The following ZNF536 variants were observed in gnomAD, a reference collection of about 807,000 sequenced individuals.
ZNF536 encodes the protein zinc finger protein 536.
A neutral mutation model predicts 84.5 loss-of-function variants in ZNF536; 13 were observed. The ratio of observed to expected loss-of-function variants is 0.15; its 90% CI spans 0.10 to 0.24. The LOEUF (loss-of-function observed/expected upper bound fraction) is 0.24. Ranked by LOEUF, ZNF536 falls within the 10% of genes least tolerant of loss-of-function variation. The pLI is 1.00. For missense variants in ZNF536, 1,536 were observed against 1,747.5 expected (o/e 0.88, Z 2.16); for synonymous variants, 811 against 742.5 (o/e 1.09, Z -1.50).
intron 2 of ZNF536, among the ~76,000 whole-genome samples, chr19:30,488,492 A>G (rs1378362692): frequency 1.3e-5 from 2 of 151,992 alleles, no homozygotes; most frequent in African/African-American, 4.8e-5. Context: ...GATTTCTTTC[A>G]TCTCACAAGG....
At chr19:30,680,792 G>A in intron 1 of ZNF536, among the ~76,000 whole-genome samples, 1 of 152,058 alleles carries the variant, frequency 6.6e-6, no homozygotes, top group Non-Finnish European at 1.5e-5. Context: ...TGGGTCAAAT[G>A]GTATTTCTAG....
At chr19:30,287,640 G>T (rs2045687129) in intron 2 of ZNF536, among the ~76,000 whole-genome samples, 1 of 143,994 alleles carries the variant, frequency 6.9e-6, no homozygotes, top group Non-Finnish European at 1.5e-5. Context: ...ATGGGTGGGT[G>T]GATGGATGGG....
intron 2 of ZNF536, among the ~76,000 whole-genome samples, chr19:30,321,863 C>T (rs934284292): frequency 5.9e-5 from 9 of 151,620 alleles, no homozygotes; most frequent in Non-Finnish European, 1.3e-4. Flanking sequence ...CAGCAACCTC[C>T]GCCTCCAAGG....
At chr19:30,509,303 T>G (rs921300893) in intron 2 of ZNF536, among the ~76,000 whole-genome samples, 4 of 148,420 alleles carry the variant, frequency 2.7e-5, no homozygotes, top group African/African-American at 9.8e-5. Flanking sequence ...GTAACATATA[T>G]TATACATACA....
chr19:30,459,236 ATT>A (rs35590599), intron 2 of ZNF536, among the ~76,000 whole-genome samples: 234 of 136,174 alleles, frequency 1.7e-3, no homozygotes, highest in African/African-American at 4.9e-3. Flanking sequence ...TATCATTTTC[ATT>A]TTTTTTTTTT....
At chr19:30,316,703 C>A (rs766705259) in intron 2 of ZNF536, among the ~76,000 whole-genome samples, 2 of 152,166 alleles carry the variant, frequency 1.3e-5, no homozygotes, top group Non-Finnish European at 2.9e-5. Flanking sequence ...CTTTGCTCTT[C>A]ATTCCATGGG....
chr19:30,643,299 C>T (rs2049333803), intron 1 of ZNF536, among the ~76,000 whole-genome samples: 1 of 152,118 alleles, frequency 6.6e-6, no homozygotes, highest in Admixed American at 6.5e-5. Flanking sequence ...CTTAAATCTC[C>T]AAACCTAATT....
At chr19:30,662,962 CTTTTTTTTTTT>C (rs951081577) in intron 1 of ZNF536, among the ~76,000 whole-genome samples, 4 of 78,772 alleles carry the variant, frequency 5.1e-5, no homozygotes, top group East Asian at 3.9e-4. Flanking sequence ...TTTTTCGTTT[CTTTTTTTTTTT>C]TTTTTTTTTT....
At chr19:30,595,446 C>G (rs1400910449) in intron 1 of ZNF536, among the ~76,000 whole-genome samples, 1 of 152,090 alleles carries the variant, frequency 6.6e-6, no homozygotes, top group Non-Finnish European at 1.5e-5. Context: ...TGACCCCATG[C>G]CTGGCTATTT....
chr19:30,295,790 A>T (rs745708920), intron 2 of ZNF536, among the ~76,000 whole-genome samples: 1 of 152,240 alleles, frequency 6.6e-6, no homozygotes, highest in Non-Finnish European at 1.5e-5. Context: ...AAGACTTTTA[A>T]TCATGGGAAT....
chr19:30,710,368 C>T (rs2144783084), intron 1 of ZNF536, among the ~76,000 whole-genome samples: 1 of 152,252 alleles, frequency 6.6e-6, no homozygotes, highest in South Asian at 2.1e-4. Flanking sequence ...ATAGCGAGAT[C>T]CTGTCTCTAA....
chr19:30,235,732 C>T (rs1289874745), intron 1 of ZNF536, among the ~76,000 whole-genome samples: 2 of 152,238 alleles, frequency 1.3e-5, no homozygotes, highest in Non-Finnish European at 2.9e-5. Context: ...CAGGCAATGT[C>T]TTCCAAATTA....
chr19:30,365,215 T>A (rs534434795), intron 3 of ZNF536, among the ~76,000 whole-genome samples: 2 of 152,342 alleles, frequency 1.3e-5, no homozygotes, highest in South Asian at 4.1e-4. Flanking sequence ...CAGCATTTGG[T>A]CTTTAGATAG....
intron 1 of ZNF536, among the ~76,000 whole-genome samples, chr19:30,590,658 G>C (rs71350818): frequency 6.6e-6 from 1 of 152,200 alleles, no homozygotes. Context: ...AGGAGGAGTG[G>C]AGATGTGGGG....
intron 1 of ZNF536, among the ~76,000 whole-genome samples, chr19:30,701,378 CA>C (rs1364478663): frequency 6.6e-6 from 1 of 151,354 alleles, no homozygotes; most frequent in African/African-American, 2.4e-5. Context: ...TACACAAACA[CA>C]AACACACAGA....
At chr19:30,386,325 A>T (rs943451186) in intron 1 of ZNF536, among the ~76,000 whole-genome samples, 1 of 152,070 alleles carries the variant, frequency 6.6e-6, no homozygotes, top group African/African-American at 2.4e-5. Flanking sequence ...GACTCTTCTG[A>T]CCATGTTATT....
At chr19:30,367,759 T>C (rs1160945059), upstream of ZNF536, among the ~76,000 whole-genome samples, 3 of 152,272 alleles carry the variant, frequency 2.0e-5, no homozygotes, top group African/African-American at 7.2e-5. Context: ...CGCTCTCTGA[T>C]CTTGGCTCCT....
chr19:30,326,210 T>C (rs1001391008), intron 2 of ZNF536, among the ~76,000 whole-genome samples: 1 of 152,120 alleles, frequency 6.6e-6, no homozygotes, highest in Non-Finnish European at 1.5e-5. Context: ...AAGAGGGCCG[T>C]CCCCATTGCC....
chr19:30,585,018 G>C (rs1794485875), intron 1 of ZNF536, among the ~76,000 whole-genome samples: 1 of 151,882 alleles, frequency 6.6e-6, no homozygotes, highest in African/African-American at 2.4e-5. Flanking sequence ...GATTGCTTGA[G>C]CCCAGCAGGC....
Sources: gnomAD v4.1 joint callset for allele counts (sites outside exome capture counted in the v4.1 genomes callset) on GRCh38, gnomAD v4.1.1 for gene constraint, MANE v1.5 for transcripts, NCBI Gene and HGNC (gene_info 2026-07-23, HGNC 2026-07-21) for gene names.